The following BDH1 variants were observed in gnomAD, a reference collection of about 807,000 sequenced individuals.
The protein encoded by BDH1 is D-beta-hydroxybutyrate dehydrogenase, mitochondrial.
A neutral mutation model predicts 33.1 loss-of-function variants in BDH1; 30 were observed. The ratio of observed to expected loss-of-function variants is 0.91; its 90% confidence interval spans 0.68 to 1.23. The LOEUF is 1.23. Among genes scored for constraint, BDH1 ranks in the 50% most tolerant of loss-of-function variants. The pLI is 0.00. For synonymous variants in BDH1, 190 were observed against 183.6 expected (o/e 1.03, Z -0.28); for missense variants, 443 against 464.4 (o/e 0.95, Z 0.42).
chr3:197,541,948 T>C (rs886657473), intron 3 of BDH1, among the ~76,000 whole-genome samples: 1 of 152,230 alleles, frequency 6.6e-6, no homozygotes, highest in Non-Finnish European at 1.5e-5. Context: ...TCCGTTCTTC[T>C]CATCTGCCTC....
chr3:197,565,369 G>A (rs1330395789), intron 1 of BDH1, among the ~76,000 whole-genome samples: 1 of 152,104 alleles, frequency 6.6e-6, no homozygotes. Flanking sequence ...GATATCAAGT[G>A]TTCTAAACCT....
At chr3:197,571,596 TTC>T (rs1717608903) in intron 1 of BDH1, among the ~76,000 whole-genome samples, 1 of 152,218 alleles carries the variant, frequency 6.6e-6, no homozygotes, top group African/African-American at 2.4e-5. Flanking sequence ...TTGGCTTTCG[TTC>T]TCTCTCTTGC....
chr3:197,516,644 C>A lies in BDH1; in HGVS notation c.410-2228G>T, dbSNP rs1712760948. On this transcript the variant is annotated intron_variant, in intron 6 of 7. Coordinates refer to ENST00000392379, the MANE Select transcript of BDH1 (RefSeq NM_203314.3). The surrounding 1 kb of genome is among the most constrained non-coding windows in gnomAD (Gnocchi z 4.2). ...CCTGTCTCGCTTCCACCTGAATGTCCCACGGGTCCCTGACTCACCCTAACC... is the reference window on the plus strand; with the variant it reads ...CCTGTCTCGCTTCCACCTGAATGTCACACGGGTCCCTGACTCACCCTAACC... Among the ~76,000 whole-genome samples, 1 of 152,090 alleles carries A rather than the reference C, an allele frequency of 6.6e-6. No homozygotes were observed. The highest frequency in any genetic ancestry group is 1.5e-5 in the Non-Finnish European group (1 of 68,012).
At chr3:197,513,849 G>A (rs1266691571) in intron 7 of BDH1, among the ~76,000 whole-genome samples, 1 of 152,076 alleles carries the variant, frequency 6.6e-6, no homozygotes, top group Non-Finnish European at 1.5e-5. Flanking sequence ...TTTTACTATT[G>A]TTCCCTAATA....
chr3:197,537,672 T>C (rs1162206229), intron 3 of BDH1, among the ~76,000 whole-genome samples: 1 of 152,230 alleles, frequency 6.6e-6, no homozygotes, highest in Non-Finnish European at 1.5e-5. Context: ...CTTTATCAAG[T>C]TCAGGAAAAT....
chr3:197,515,720 C>T (rs1473696400), intron 6 of BDH1: 1 of 949,056 alleles, frequency 1.1e-6, no homozygotes, highest in African/African-American at 2.7e-5. Flanking sequence ...CCCTCCACGC[C>T]AGGCTTCCAA....
rs1579842359 is a variant in BDH1, at chr3:197,511,843, C to T, written c.*52G>A. The T allele has an allele frequency of 2.0e-6, 3 of 1,492,012 alleles. No individual in the cohort carries two copies. The highest frequency in any genetic ancestry group is 2.7e-6 in the Non-Finnish European group (3 of 1,108,068). The allele number at this position is 1,492,012 out of a possible 1,614,324, so 92.4% of individuals were successfully genotyped here. On this transcript the variant is annotated 3_prime_UTR_variant, in exon 8 of 8. Transcript: ENST00000392379. ...CAAGAGTTGACTATATGGGTTCCTC[C>T]CTCCCCTCCCCTTCCACCAGGGATC...
In BDH1 at chr3:197,514,275, C is replaced by A. The variant is rs201775401; in HGVS notation, c.551G>T (p.Arg184Leu). Reference sequence around the variant, plus strand: ...CCTTTCCCACTCACCTTTGGCCCTTCGGATGAGGGGGAGAAAGGATTTCGT... The same window carrying A: ...CCTTTCCCACTCACCTTTGGCCCTTAGGATGAGGGGGAGAAAGGATTTCGT... The part of the protein sequence containing the change: ...RMTKSFLPLI[R>L]RAKGRVVNIS... Residue 184 changes from arginine (R) to leucine (L), a missense_variant, in exon 7 of 8, where the codon CGA becomes CTA. By Grantham distance (102) the Arg-to-Leu change is moderately radical (BLOSUM62 -2). Coordinates refer to ENST00000392379, the MANE Select transcript of BDH1 (RefSeq NM_203314.3). This position sits in a 1 kb window ranked among gnomAD's most constrained non-coding sequence, Gnocchi z 4.2. The A allele has an allele frequency of 9.9e-6, 16 of 1,612,726 alleles. No homozygotes were observed. The East Asian group carries it at 3.3e-4, about 34-fold the overall frequency.
At chr3:197,527,854 G>T (rs1407701203) in intron 5 of BDH1, among the ~76,000 whole-genome samples, 4 of 151,638 alleles carry the variant, frequency 2.6e-5, no homozygotes, top group Non-Finnish European at 5.9e-5. Flanking sequence ...ACTCCCTCCC[G>T]CACCTCCTTT....
chr3:197,553,582 T>A (rs1023854471), intron 2 of BDH1, among the ~76,000 whole-genome samples: 1 of 150,540 alleles, frequency 6.6e-6, no homozygotes, highest in Non-Finnish European at 1.5e-5. Context: ...ATTATCAGAC[T>A]TACATTTTTA....
chr3:197,512,282 T>A lies in BDH1; in HGVS notation c.645A>T (p.Val215=). ...AGCGCAGGCAGTCCGAGAAAGCCTC[T>A]ACCCCGAACTTGGTGATGCAGTACG... ...RSPYCITKFG[V]EAFSDCLRYE... is the part of the protein sequence containing the mutation. The change falls in exon 8 of 8, where the codon GTA becomes GTT. Residue 215 remains valine, a synonymous_variant. Transcript: ENST00000392379. 4.3e-6 allele frequency: 7 copies of A among 1,612,812 alleles called. No individual in the cohort carries two copies. Among genetic ancestry groups the A allele is most frequent in the Non-Finnish European group, 5.9e-6 (7 of 1,179,998 alleles).
At chr3:197,532,056 A>C (rs190563843) in intron 5 of BDH1, among the ~76,000 whole-genome samples, 30 of 152,244 alleles carry the variant, frequency 2.0e-4, no homozygotes, top group Admixed American at 1.7e-3. Flanking sequence ...CACCCCTGAG[A>C]ATCTGCTTCA....
chr3:197,520,654 G>A lies in BDH1; in HGVS notation c.409+1986C>T, dbSNP rs931322170. On this transcript the variant is annotated intron_variant, in intron 6 of 7. Coordinates refer to ENST00000392379, the MANE Select transcript of BDH1 (RefSeq NM_203314.3). This position sits in a 1 kb window ranked among gnomAD's most constrained non-coding sequence, Gnocchi z 6.0. ...CATTTTAGATCACCACAAAACCCACGCTATAATCAAGTGGCTTTATGGTGC... is the reference window on the plus strand; with the variant it reads ...CATTTTAGATCACCACAAAACCCACACTATAATCAAGTGGCTTTATGGTGC... Among the ~76,000 whole-genome samples the A allele has an allele frequency of 2.6e-5, 4 of 152,186 alleles. No homozygotes were observed. Among genetic ancestry groups the A allele is most frequent in the South Asian group, 2.1e-4 (1 of 4,832 alleles).
At position 197,525,577 on chromosome 3, in the gene BDH1, G is replaced by A. The variant is rs537633529; in HGVS notation, c.268-2796C>T. 9.2e-5 allele frequency among the ~76,000 whole-genome samples: 14 copies of A among 152,316 alleles called. No individual in the cohort carries two copies. Among genetic ancestry groups the A allele is most frequent in the African/African-American group, 3.4e-4 (14 of 41,564 alleles). Reference sequence around the variant, plus strand: ...ACTGCCCACGGCTTCAGGCTCCCGAGGAGAGCAACGCTACCCTCCTATCTT... The same window carrying A: ...ACTGCCCACGGCTTCAGGCTCCCGAAGAGAGCAACGCTACCCTCCTATCTT... On this transcript the variant is annotated intron_variant, in intron 5 of 7. Coordinates refer to ENST00000392379, the MANE Select transcript of BDH1 (RefSeq NM_203314.3). This position sits in a 1 kb window ranked among gnomAD's most constrained non-coding sequence, Gnocchi z 4.9.
At chr3:197,519,357 C>G (rs2108718168) in intron 6 of BDH1, among the ~76,000 whole-genome samples, 1 of 152,218 alleles carries the variant, frequency 6.6e-6, no homozygotes, top group Non-Finnish European at 1.5e-5. Context: ...CCCAAGATCA[C>G]ATTTCTAATA....
At position 197,525,703 on chromosome 3, in the gene BDH1, C is replaced by T. The variant is rs899724090; in HGVS notation, c.268-2922G>A. Among the ~76,000 whole-genome samples the T allele has an allele frequency of 1.3e-5, 2 of 152,202 alleles. No homozygotes were observed. Among genetic ancestry groups the T allele is most frequent in the Non-Finnish European group, 2.9e-5 (2 of 68,030 alleles). On this transcript the variant is annotated intron_variant, in intron 5 of 7. Coordinates refer to ENST00000392379, the MANE Select transcript of BDH1 (RefSeq NM_203314.3). This position sits in a 1 kb window ranked among gnomAD's most constrained non-coding sequence, Gnocchi z 4.9. ...ATAGGGACAGAAACTACCAATTTGC[C>T]CCCAGTTATTCAGAGAAATCTTTCC...
chr3:197,538,135 T>C (rs1486433674), intron 3 of BDH1, among the ~76,000 whole-genome samples: 1 of 152,076 alleles, frequency 6.6e-6, no homozygotes, highest in Non-Finnish European at 1.5e-5. Flanking sequence ...ATATCCAGGG[T>C]TTTTAGTTGT....
chr3:197,562,953 G>A (rs192526074), intron 1 of BDH1, among the ~76,000 whole-genome samples: 184 of 152,248 alleles, frequency 1.2e-3, no homozygotes, highest in Non-Finnish European at 1.8e-3. Flanking sequence ...TTCCTAGTCC[G>A]TTTTTCTCTA....
chr3:197,567,696 C>A (rs1054637410), intron 1 of BDH1, among the ~76,000 whole-genome samples: 3 of 152,172 alleles, frequency 2.0e-5, no homozygotes, highest in Middle Eastern at 3.4e-3. Flanking sequence ...AACTGAGAGA[C>A]CTGTCTGAGA....
Sources: allele counts gnomAD v4.1 joint callset (sites outside exome capture counted in the v4.1 genomes callset), GRCh38; gene constraint gnomAD v4.1.1; non-coding constraint Gnocchi (gnomAD v3.1); transcripts MANE v1.5; gene names NCBI Gene and HGNC (gene_info 2026-07-23, HGNC 2026-07-21).